The following FBN2 variants were observed in gnomAD, a reference collection of about 807,000 sequenced individuals.
FBN2 encodes the protein fibrillin-2.
A neutral mutation model predicts 355.6 loss-of-function variants in FBN2; 105 were observed. The observed-to-expected ratio is 0.30, with a 90% CI of 0.25 to 0.35. FBN2 has a LOEUF of 0.35. Ranked by LOEUF, FBN2 falls within the 10% of genes least tolerant of loss-of-function variation. The pLI, the probability that FBN2 is intolerant of heterozygous loss-of-function variation, is 1.00. For missense variants in FBN2, 3,280 were observed against 3,758.7 expected (o/e 0.87, Z 3.33); for synonymous variants, 1,350 against 1,301.2 (o/e 1.04, Z -0.81).
rs759733025 is a variant in FBN2 at position 128,377,841 on chromosome 5, T to C, written c.1760A>G (p.Lys587Arg). 6.8e-6 allele frequency: 11 copies of C among 1,613,606 alleles called. No individual in the cohort carries two copies. Among genetic ancestry groups the C allele is most frequent in the Non-Finnish European group, 7.6e-6 (9 of 1,179,636 alleles). Residue 587 changes from lysine to arginine, a missense_variant, in exon 13 of 65, where the codon AAA becomes AGA. This residue lies in a region of FBN2 where 2,284 missense variants were observed against 2,749.5 expected (regional missense o/e 0.83). Coordinates refer to ENST00000262464, the MANE Select transcript of FBN2 (RefSeq NM_001999.4). ...DECIQNGVLC[K>R]NGRCVNTDGS... ...ATCTGTGTTCACGCATCGACCGTTTTTACAAAGAACCCCATTCTGGATGCA... is the reference window on the plus strand; with the variant it reads ...ATCTGTGTTCACGCATCGACCGTTTCTACAAAGAACCCCATTCTGGATGCA...
intron 23 of FBN2, among the ~76,000 whole-genome samples, chr5:128,347,787 T>C (rs1751223812): frequency 6.6e-6 from 1 of 150,652 alleles, no homozygotes; most frequent in South Asian, 2.1e-4. Flanking sequence ...AAAAATGCTT[T>C]TTTTTTTTTG....
At chr5:128,413,631 T>C (rs1274942162) in intron 7 of FBN2, among the ~76,000 whole-genome samples, 3 of 152,150 alleles carry the variant, frequency 2.0e-5, no homozygotes, top group Non-Finnish European at 2.9e-5. Context: ...ATGAATAATT[T>C]GATAAGTAGT....
intron 5 of FBN2, among the ~76,000 whole-genome samples, chr5:128,489,708 A>C (rs1018361027): frequency 6.6e-6 from 1 of 151,730 alleles, no homozygotes; most frequent in African/African-American, 2.4e-5. Flanking sequence ...CTGTACAGTG[A>C]AGTAGGTGTA....
At chr5:128,421,281 G>A (rs565599253) in intron 7 of FBN2, among the ~76,000 whole-genome samples, 11 of 152,218 alleles carry the variant, frequency 7.2e-5, no homozygotes, top group East Asian at 1.9e-4. Flanking sequence ...TACCTATGTC[G>A]ATAAAGATGA....
intron 5 of FBN2, among the ~76,000 whole-genome samples, chr5:128,468,876 T>C (rs1246486093): frequency 6.6e-6 from 1 of 152,234 alleles, no homozygotes; most frequent in African/African-American, 2.4e-5. Flanking sequence ...AATGCCCTTT[T>C]CATAACATGT....
chr5:128,307,056 G>T, intron 42 of FBN2, 79 bp downstream of exon 42: 2 of 943,582 alleles, frequency 2.1e-6, no homozygotes, highest in Non-Finnish European at 3.5e-6. Flanking sequence ...TGGTACTCTT[G>T]AATTTTAAAA....
intron 41 of FBN2, among the ~76,000 whole-genome samples, chr5:128,308,581 G>C (rs533283955): frequency 3.9e-5 from 6 of 152,114 alleles, no homozygotes; most frequent in Non-Finnish European, 7.4e-5. Flanking sequence ...CCATTCTCCA[G>C]GTCATAAAAG....
chr5:128,446,164 C>T (rs572709126), intron 7 of FBN2: 128 of 269,378 alleles, frequency 4.8e-4, no homozygotes, highest in African/African-American at 2.4e-3. Context: ...TCTCAATTTT[C>T]GTTTTTGATA....
Position 128,336,002 on chromosome 5 carries a change from C to T in FBN2, c.3710G>A (p.Arg1237His), listed in dbSNP as rs142185964. ...TCTCCCCTTACCTGTACAGCCCTGG[C>T]GGTCTGGCGTAGCCTGATATCCAGG... ...CNPGYQATPDRQGCTDIDECM... is the reference protein window; with the variant it reads ...CNPGYQATPDHQGCTDIDECM... Residue 1237 changes from arginine to histidine, a missense_variant, in exon 28 of 65, where the codon CGC (arginine) becomes CAC (histidine). Transcript: ENST00000262464. 5.1e-5 allele frequency: 83 copies of T among 1,613,964 alleles called. No homozygotes were observed. In the Admixed American group the frequency reaches 9.7e-4, roughly 19 times the overall value.
At chr5:128,429,629 C>T (rs1001864174) in intron 7 of FBN2, among the ~76,000 whole-genome samples, 1 of 151,984 alleles carries the variant, frequency 6.6e-6, no homozygotes, top group Non-Finnish European at 1.5e-5. Context: ...CACCTTCAAA[C>T]AAGGAAAATG....
At chr5:128,433,689 G>A (rs992637284) in intron 7 of FBN2, among the ~76,000 whole-genome samples, 4 of 152,176 alleles carry the variant, frequency 2.6e-5, no homozygotes, top group African/African-American at 7.2e-5. Flanking sequence ...ATAGCATACA[G>A]CTGTTGGTTA....
intron 48 of FBN2, among the ~76,000 whole-genome samples, chr5:128,299,465 A>G (rs1324416090): frequency 1.4e-5 from 2 of 146,402 alleles, no homozygotes; most frequent in Non-Finnish European, 3.0e-5. Context: ...TGTGCTAGCA[A>G]TCAGTGAGAC....
At chr5:128,263,273 T>C in intron 63 of FBN2, 152 bp downstream of exon 63, 1 of 687,050 alleles carries the variant, frequency 1.5e-6, no homozygotes, top group South Asian at 1.6e-5. Flanking sequence ...GTGTGTGCTT[T>C]CTTGGTATTT....
chr5:128,441,385 G>C (rs1188716557), intron 7 of FBN2, among the ~76,000 whole-genome samples: 1 of 152,174 alleles, frequency 6.6e-6, no homozygotes, highest in Non-Finnish European at 1.5e-5. Flanking sequence ...AATAGCACTG[G>C]CTAGGAGCAA....
chr5:128,409,734 A>G (rs1478169272), intron 7 of FBN2, among the ~76,000 whole-genome samples: 1 of 152,204 alleles, frequency 6.6e-6, no homozygotes, highest in Non-Finnish European at 1.5e-5. Flanking sequence ...ACAACAATAA[A>G]AGCCATACAT....
chr5:128,354,598 AT>A (rs1331728649), intron 20 of FBN2, among the ~76,000 whole-genome samples: 2 of 152,132 alleles, frequency 1.3e-5, no homozygotes, highest in African/African-American at 4.8e-5. Flanking sequence ...GGTGACTTGG[AT>A]TGGGGGTTGG....
At chr5:128,324,189 A>C (rs944032954) in intron 34 of FBN2, among the ~76,000 whole-genome samples, 1 of 151,676 alleles carries the variant, frequency 6.6e-6, no homozygotes, top group African/African-American at 2.4e-5. Flanking sequence ...CTGTCTTCTT[A>C]TTTGTCTCAC....
At chr5:128,533,846 C>A (rs1756776987) in intron 2 of FBN2, among the ~76,000 whole-genome samples, 1 of 151,504 alleles carries the variant, frequency 6.6e-6, no homozygotes, top group African/African-American at 2.4e-5. Context: ...TTCATTGCTT[C>A]ATGTTCTAAG....
intron 55 of FBN2, among the ~76,000 whole-genome samples, chr5:128,284,770 C>A (rs1749095109): frequency 6.6e-6 from 1 of 152,198 alleles, no homozygotes; most frequent in African/African-American, 2.4e-5. Context: ...TCACCTCCGG[C>A]AGTCTCCATG....
Sources: allele counts gnomAD v4.1 joint callset (sites outside exome capture counted in the v4.1 genomes callset), GRCh38; gene constraint gnomAD v4.1.1; regional missense constraint gnomAD v4.1.1; transcripts MANE v1.5; gene names NCBI Gene and HGNC (gene_info 2026-07-23, HGNC 2026-07-21).